DEUP1: variants seen among roughly 807,000 people sequenced by gnomAD.
DEUP1 encodes coiled-coil domain containing 67.
In DEUP1, 82 loss-of-function variants were observed where a neutral mutation model predicts 87.4. That is an observed-to-expected ratio of 0.94 (90% CI 0.78 to 1.13). The LOEUF (loss-of-function observed/expected upper bound fraction) is 1.13, where lower values mean the gene tolerates loss of function less well. Among genes scored for constraint, DEUP1 ranks in the 50% most tolerant of loss-of-function variants. The pLI is 0.00. For missense variants in DEUP1, 663 were observed against 681.5 expected (o/e 0.97, Z 0.30); for synonymous variants, 214 against 222.7 (o/e 0.96, Z 0.35).
rs185817312 is a variant in DEUP1, at chr11:93,364,271, A to G, written c.409A>G (p.Ser137Gly). The G allele has an allele frequency of 6.8e-5, 110 of 1,609,264 alleles. No homozygotes were observed. Among genetic ancestry groups the G allele is most frequent in the Non-Finnish European group, 6.1e-5 (72 of 1,176,672 alleles). ...HLKEEIPFEL[S>G]NLNQKLEEFR... The stretch of plus-strand genomic sequence containing the variant: ...TAAAGAAGAAATACCCTTTGAACTG[A>G]GCAATTTGAACCAGAAATTAGAGGT... Residue 137 changes from serine (S) to glycine (G), a missense_variant, in exon 5 of 14, where the codon AGC (serine) becomes GGC (glycine). Coordinates refer to ENST00000298050, the MANE Select transcript of DEUP1 (RefSeq NM_181645.4).
At chr11:93,359,819 A>C (rs977328603) in intron 4 of DEUP1, among the ~76,000 whole-genome samples, 1 of 152,224 alleles carries the variant, frequency 6.6e-6, no homozygotes, top group African/African-American at 2.4e-5. Context: ...CTTAGTGGAA[A>C]AACCTAGATT....
At chr11:93,386,408 G>A (rs1318064787) in intron 8 of DEUP1, among the ~76,000 whole-genome samples, 1 of 152,128 alleles carries the variant, frequency 6.6e-6, no homozygotes, top group African/African-American at 2.4e-5. Context: ...CAGTTTGACT[G>A]CTTTAATAGT....
At position 93,419,398 on chromosome 11, in the gene DEUP1, T is replaced by C. The variant is rs143694451; in HGVS notation, c.1638+4284T>C. ...TAGCATCAAGGTTGCTTTGTTCTTA[T>C]GCTAGTTGAAGTAAACATTAATAAA... On this transcript the variant is annotated intron_variant, in intron 13 of 13. Coordinates refer to ENST00000298050, the MANE Select transcript of DEUP1 (RefSeq NM_181645.4). Among the ~76,000 whole-genome samples, 561 of 152,292 alleles carry C rather than the reference T, an allele frequency of 3.7e-3. 6 individuals carry two copies. Among genetic ancestry groups the C allele is most frequent in the African/African-American group, 0.013 (535 of 41,552 alleles).
chr11:93,432,395 C>T (rs565796252), intron 13 of DEUP1, among the ~76,000 whole-genome samples: 1 of 152,226 alleles, frequency 6.6e-6, no homozygotes, highest in African/African-American at 2.4e-5. Flanking sequence ...GAAGCCAGGC[C>T]ACAACGTAAT....
At chr11:93,349,808 A>G (rs1278335662) in intron 2 of DEUP1, among the ~76,000 whole-genome samples, 1 of 152,220 alleles carries the variant, frequency 6.6e-6, no homozygotes, top group African/African-American at 2.4e-5. Context: ...CCAAATGAAA[A>G]CAACTGAAGG....
intron 4 of DEUP1, among the ~76,000 whole-genome samples, chr11:93,360,330 T>G (rs1282376964): frequency 6.6e-6 from 1 of 152,144 alleles, no homozygotes; most frequent in Non-Finnish European, 1.5e-5. Context: ...AGAGGAGGAC[T>G]GCTAAAACAC....
chr11:93,380,311 T>G (rs1265007824), intron 7 of DEUP1, among the ~76,000 whole-genome samples: 1 of 132,306 alleles, frequency 7.6e-6, no homozygotes. Flanking sequence ...ACTACCTGTG[T>G]GGCTTGCATT....
chr11:93,421,032 C>T (rs1471094874), intron 13 of DEUP1, among the ~76,000 whole-genome samples: 1 of 35,308 alleles, frequency 2.8e-5, no homozygotes, highest in African/African-American at 1.2e-4. Flanking sequence ...CCAGCGTGAG[C>T]GACGCAGAAG....
chr11:93,432,523 C>G (rs947809742), intron 13 of DEUP1, among the ~76,000 whole-genome samples: 12 of 152,160 alleles, frequency 7.9e-5, no homozygotes, highest in African/African-American at 2.2e-4. Context: ...GTAATTTACC[C>G]CCAACCTGTT....
intron 1 of DEUP1, among the ~76,000 whole-genome samples, chr11:93,331,646 T>A (rs1039976186): frequency 1.3e-5 from 2 of 152,226 alleles, no homozygotes; most frequent in African/African-American, 4.8e-5. Flanking sequence ...TCTGTTTTAC[T>A]CATTCTCATG....
At chr11:93,380,565 T>A (rs1422773140) in intron 7 of DEUP1, among the ~76,000 whole-genome samples, 1 of 151,894 alleles carries the variant, frequency 6.6e-6, no homozygotes, top group Non-Finnish European at 1.5e-5. Flanking sequence ...CATGCTCGGC[T>A]ATTTTTTTTT....
At chr11:93,432,066 G>C (rs561780796) in intron 13 of DEUP1, among the ~76,000 whole-genome samples, 1 of 152,224 alleles carries the variant, frequency 6.6e-6, no homozygotes, top group South Asian at 2.1e-4. Context: ...GCATATGGTT[G>C]GTATTTAAGT....
intron 11 of DEUP1, among the ~76,000 whole-genome samples, chr11:93,407,387 A>AGAC (rs1347531054): frequency 6.6e-6 from 1 of 152,172 alleles, no homozygotes; most frequent in Non-Finnish European, 1.5e-5. Flanking sequence ...AGGTTTGTGT[A>AGAC]GACACACTGT....
intron 13 of DEUP1, chr11:93,415,346 G>T (rs1056514549): frequency 1.1e-5 from 3 of 262,974 alleles, no homozygotes; most frequent in Non-Finnish European, 1.4e-5. Context: ...TCTAATGCAG[G>T]CCAGAATTAC....
intron 2 of DEUP1, among the ~76,000 whole-genome samples, chr11:93,355,013 C>A (rs1944826404): frequency 6.6e-6 from 1 of 152,130 alleles, no homozygotes; most frequent in Non-Finnish European, 1.5e-5. Context: ...GGAATGATAT[C>A]CCAGTTTGCC....
intron 2 of DEUP1, among the ~76,000 whole-genome samples, chr11:93,335,274 C>G (rs907591699): frequency 9.0e-5 from 13 of 144,496 alleles, no homozygotes; most frequent in Admixed American, 7.4e-4. Context: ...GATTTTGACT[C>G]TGTCAATTTC....
chr11:93,355,567 T>G (rs1296089089), intron 3 of DEUP1, 25 bp downstream of exon 3: 1 of 1,586,018 alleles, frequency 6.3e-7, no homozygotes, highest in East Asian at 2.3e-5. Flanking sequence ...TGTTAACAAA[T>G]TGCTAATTCA....
intron 13 of DEUP1, 106 bp from the exon 14 acceptor site, chr11:93,437,437 G>A (rs1167696986): frequency 2.1e-5 from 16 of 775,148 alleles, no homozygotes; most frequent in Non-Finnish European, 3.3e-5. Flanking sequence ...CTTTCATTAA[G>A]AGCTGCGGTG....
intron 1 of DEUP1, among the ~76,000 whole-genome samples, chr11:93,331,980 G>T (rs1233639004): frequency 6.6e-6 from 1 of 152,160 alleles, no homozygotes; most frequent in African/African-American, 2.4e-5. Flanking sequence ...GGCAGAGGTT[G>T]CAGTGAGCTG....
Sources: gnomAD v4.1 joint callset for allele counts (sites outside exome capture counted in the v4.1 genomes callset) on GRCh38, gnomAD v4.1.1 for gene constraint, MANE v1.5 for transcripts, NCBI Gene and HGNC (gene_info 2026-07-23, HGNC 2026-07-21) for gene names.